Variants in GPR55 observed in about 807,000 individuals in gnomAD.
GPR55 encodes G protein-coupled receptor 55.
Under a neutral mutation model 7.9 loss-of-function variants are expected in GPR55, and 6 were observed. That is an observed-to-expected ratio of 0.76 (90% CI 0.41 to 1.49). GPR55 has a LOEUF of 1.49. Among genes scored for constraint, GPR55 ranks in the 40% most tolerant of loss-of-function variants. GPR55 has a pLI of 0.01. For missense variants in GPR55, 376 were observed against 406.0 expected (o/e 0.93, Z 0.63); for synonymous variants, 183 against 166.8 (o/e 1.10, Z -0.75).
At chr2:230,912,825 AG>A (rs1690624637) in intron 1 of GPR55, among the ~76,000 whole-genome samples, 2 of 152,238 alleles carry the variant, frequency 1.3e-5, no homozygotes, top group Admixed American at 1.3e-4. Context: ...GCGCTCAATA[AG>A]ATATTCGAAG....
At chr2:230,946,355 A>G (rs1192858585) in intron 1 of GPR55, among the ~76,000 whole-genome samples, 1 of 152,192 alleles carries the variant, frequency 6.6e-6, no homozygotes, top group Non-Finnish European at 1.5e-5. Flanking sequence ...TACAAGAGTA[A>G]ATTTGAAATG....
intron 1 of GPR55, among the ~76,000 whole-genome samples, chr2:230,959,698 A>T (rs1559182496): frequency 6.6e-6 from 1 of 152,190 alleles, no homozygotes; most frequent in Non-Finnish European, 1.5e-5. Context: ...GAAAACAATC[A>T]GAGCAACAGT....
At chr2:230,927,290 C>A (rs536406039), upstream of GPR55, among the ~76,000 whole-genome samples, 1 of 152,262 alleles carries the variant, frequency 6.6e-6, no homozygotes, top group South Asian at 2.1e-4. Flanking sequence ...GCATTGTCCA[C>A]CTCCCTCTCC....
rs1690545056 is a variant in GPR55, at chr2:230,909,941, G to A, written c.*62C>T. The A allele has an allele frequency of 8.0e-6, 12 of 1,493,990 alleles. No homozygotes were observed. In the East Asian group the frequency reaches 9.1e-5, roughly 11 times the overall value. 92.5% of individuals were successfully genotyped at this position (1,493,990 alleles called of 1,614,324 possible). ...TCCCACCACATCAAAACCCTGGAAC[G>A]CGATATCCGTTACCAGAATTCAGGG... On this transcript the variant is annotated 3_prime_UTR_variant, in exon 2 of 2. Coordinates refer to ENST00000650999, the MANE Select transcript of GPR55 (RefSeq NM_005683.4).
At chr2:230,941,756 C>A (rs1230884566) in intron 1 of GPR55, among the ~76,000 whole-genome samples, 1 of 152,228 alleles carries the variant, frequency 6.6e-6, no homozygotes, top group East Asian at 1.9e-4. Flanking sequence ...AACTCGGGGT[C>A]CCCTTTATCA....
chr2:230,955,146 T>C (rs911307309), intron 1 of GPR55, among the ~76,000 whole-genome samples: 1 of 152,248 alleles, frequency 6.6e-6, no homozygotes, highest in Non-Finnish European at 1.5e-5. Context: ...TCTGTGAAAT[T>C]ATGATCTCCA....
At chr2:230,933,333 C>G (rs112908487) in intron 1 of GPR55, among the ~76,000 whole-genome samples, 1 of 152,196 alleles carries the variant, frequency 6.6e-6, no homozygotes, top group African/African-American at 2.4e-5. Flanking sequence ...ATCCGTCCAC[C>G]GCATCCTCCA....
chr2:230,921,576 C>T (rs1369627072), intron 1 of GPR55, among the ~76,000 whole-genome samples: 3 of 152,184 alleles, frequency 2.0e-5, no homozygotes, highest in Non-Finnish European at 2.9e-5. Flanking sequence ...CAAAATCAGA[C>T]GTACATTGCT....
chr2:230,919,742 AT>A (rs561455355), intron 1 of GPR55, among the ~76,000 whole-genome samples: 119 of 152,300 alleles, frequency 7.8e-4, no homozygotes, highest in Non-Finnish European at 1.6e-3. Context: ...TTTTCTTCTT[AT>A]TCTTCTTTGC....
Position 230,924,876 on chromosome 2 carries a change from T to G in GPR55, c.-135+292A>C, listed in dbSNP as rs1690916513. 6.6e-6 allele frequency among the ~76,000 whole-genome samples: 1 copy of G among 152,048 alleles called. No individual in the cohort carries two copies. Among genetic ancestry groups the G allele is most frequent in the Non-Finnish European group, 1.5e-5 (1 of 67,988 alleles). The stretch of plus-strand genomic sequence containing the variant: ...TATGGGGAGGTTTCCCGACCCGACA[T>G]GATGCTGCAACCCTGAGTCAGATCA... On this transcript the variant is annotated intron_variant, in intron 1 of 1. Transcript: ENST00000650999. The surrounding 1 kb of genome is among the most constrained non-coding windows in gnomAD (Gnocchi z 4.5).
chr2:230,943,439 C>A (rs2125066891), intron 1 of GPR55, among the ~76,000 whole-genome samples: 1 of 152,340 alleles, frequency 6.6e-6, no homozygotes, highest in Non-Finnish European at 1.5e-5. Context: ...GATGTCTGGG[C>A]TCAGGAATTT....
At chr2:230,949,383 C>T (rs182814093) in intron 1 of GPR55, among the ~76,000 whole-genome samples, 46 of 152,318 alleles carry the variant, frequency 3.0e-4, no homozygotes, top group African/African-American at 9.1e-4. Context: ...AGGCTGGTTT[C>T]GAACTCCTGA....
chr2:230,945,460 C>T (rs112355915), intron 1 of GPR55, among the ~76,000 whole-genome samples: 224 of 152,266 alleles, frequency 1.5e-3, no homozygotes, highest in African/African-American at 4.8e-3. Flanking sequence ...ATGCAACCCG[C>T]GCCCTTATTT....
At chr2:230,920,051 G>A (rs572741122) in intron 1 of GPR55, among the ~76,000 whole-genome samples, 5 of 150,874 alleles carry the variant, frequency 3.3e-5, no homozygotes, top group African/African-American at 1.2e-4. Context: ...GCAGTTGGAA[G>A]GTGGGTGATT....
At chr2:230,930,633 T>C (rs989549421) in intron 1 of GPR55, among the ~76,000 whole-genome samples, 35 of 152,020 alleles carry the variant, frequency 2.3e-4, no homozygotes, top group African/African-American at 8.0e-4. Flanking sequence ...GTACTTTTGG[T>C]ACAAAATACA....
At chr2:230,927,468 G>A (rs558507442), upstream of GPR55, among the ~76,000 whole-genome samples, 41 of 152,280 alleles carry the variant, frequency 2.7e-4, no homozygotes, top group Admixed American at 1.0e-3. Context: ...CGAGCTTTTC[G>A]CCTCCCCTTG....
rs374462918 is a variant in GPR55, at chr2:230,914,343, C to T, written c.-134-3247G>A. 3.3e-5 allele frequency among the ~76,000 whole-genome samples: 5 copies of T among 152,278 alleles called. No homozygotes were observed. The East Asian group carries it at 9.6e-4, about 29-fold the overall frequency. On this transcript the variant is annotated intron_variant, in intron 1 of 1. Coordinates refer to ENST00000650999, the MANE Select transcript of GPR55 (RefSeq NM_005683.4). ...TCACATTTGAATTACCGACAGACTTCAAATGGAAGCTTCTCAGAGGGTAGT... is the reference window on the plus strand; with the variant it reads ...TCACATTTGAATTACCGACAGACTTTAAATGGAAGCTTCTCAGAGGGTAGT...
At chr2:230,915,015 C>T (rs917761282) in intron 1 of GPR55, among the ~76,000 whole-genome samples, 1 of 152,236 alleles carries the variant, frequency 6.6e-6, no homozygotes, top group Non-Finnish European at 1.5e-5. Flanking sequence ...TTCAGCCCTT[C>T]TTGGCCAAGC....
At chr2:230,925,700 G>T (rs1031294581), upstream of GPR55, among the ~76,000 whole-genome samples, 2 of 152,200 alleles carry the variant, frequency 1.3e-5, no homozygotes, top group Admixed American at 6.5e-5. Context: ...AAGGAAGGTG[G>T]TGCTATTTAG....
Sources: allele counts gnomAD v4.1 joint callset (sites outside exome capture counted in the v4.1 genomes callset), GRCh38; gene constraint gnomAD v4.1.1; non-coding constraint Gnocchi (gnomAD v3.1); transcripts MANE v1.5; gene names NCBI Gene and HGNC (gene_info 2026-07-23, HGNC 2026-07-21).